The following RTN1 variants were observed in gnomAD, a reference collection of about 807,000 sequenced individuals.
RTN1 encodes reticulon 1.
RTN1 carries 25 observed loss-of-function variants against 65.5 expected under a neutral mutation model. The observed-to-expected ratio is 0.38, with a 90% CI of 0.28 to 0.53. The LOEUF is 0.53. RTN1 is among the 20% of genes least tolerant of loss of function. The pLI is 0.79. For synonymous variants in RTN1, 471 were observed against 447.6 expected (o/e 1.05, Z -0.66); for missense variants, 983 against 1,025.4 (o/e 0.96, Z 0.57).
intron 3 of RTN1, among the ~76,000 whole-genome samples, chr14:59,721,269 T>C (rs1052891152): frequency 6.6e-6 from 1 of 152,214 alleles, no homozygotes; most frequent in Non-Finnish European, 1.5e-5. Context: ...CTGTAGCTGC[T>C]ATACACAGAG....
At chr14:59,821,767 T>C (rs1886948499) in intron 1 of RTN1, among the ~76,000 whole-genome samples, 1 of 152,232 alleles carries the variant, frequency 6.6e-6, no homozygotes, top group Non-Finnish European at 1.5e-5. Flanking sequence ...TCTATCGAGA[T>C]GATTGTGTGG....
At chr14:59,677,313 A>G (rs1240357542) in intron 3 of RTN1, among the ~76,000 whole-genome samples, 2 of 152,336 alleles carry the variant, frequency 1.3e-5, no homozygotes, top group South Asian at 4.1e-4. Flanking sequence ...GGCTCTCTCC[A>G]TTTGATATTC....
At chr14:59,749,973 ATATAT>A (rs1885405995) in intron 1 of RTN1, among the ~76,000 whole-genome samples, 1 of 71,552 alleles carries the variant, frequency 1.4e-5, no homozygotes, top group South Asian at 3.3e-4. Flanking sequence ...TATTATATAC[ATATAT>A]TATATATTAT....
In RTN1 at chr14:59,746,232, G is replaced by C; in HGVS notation, c.491C>G (p.Ser164Cys). 6.2e-7 allele frequency: 1 copy of C among 1,612,884 alleles called. No individual in the cohort carries two copies. The highest frequency in any genetic ancestry group is 8.5e-7 in the Non-Finnish European group (1 of 1,179,500). ...AGGAGTCATCTCTATTCCAGAATCA[G>C]AACTAAATAAGCCACGAGACTCTAT... ...PGIESRGLFS[S>C]DSGIEMTPAE... is the part of the protein sequence containing the mutation. Residue 164 changes from serine to cysteine, a missense_variant, in exon 2 of 9, where the codon TCT becomes TGT. This residue lies in a region of RTN1 where 818 missense variants were observed against 801.8 expected (regional missense o/e 1.02). Transcript: ENST00000267484.
At chr14:59,848,045 A>C (rs1268941813) in intron 1 of RTN1, among the ~76,000 whole-genome samples, 3 of 152,188 alleles carry the variant, frequency 2.0e-5, no homozygotes, top group African/African-American at 7.2e-5. Context: ...TCATCTTAGC[A>C]ACCACTTTCA....
At chr14:59,629,628 G>C (rs1266447247) in intron 3 of RTN1, among the ~76,000 whole-genome samples, 1 of 152,198 alleles carries the variant, frequency 6.6e-6, no homozygotes, top group Non-Finnish European at 1.5e-5. Context: ...TAACTGCAAG[G>C]TGAATTTTAA....
At chr14:59,755,376 A>C (rs1257859813) in intron 1 of RTN1, among the ~76,000 whole-genome samples, 1 of 152,196 alleles carries the variant, frequency 6.6e-6, no homozygotes, top group Non-Finnish European at 1.5e-5. Context: ...AAGTGTGGGC[A>C]TAATAAAAAA....
At chr14:59,610,134 G>A (rs1359248650) in intron 3 of RTN1, 3 of 776,614 alleles carry the variant, frequency 3.9e-6, no homozygotes, top group Non-Finnish European at 7.2e-6. Context: ...GGTAGAAATG[G>A]CATGCCCTCT....
intron 3 of RTN1, among the ~76,000 whole-genome samples, chr14:59,700,209 C>T (rs1378657664): frequency 6.6e-6 from 1 of 151,926 alleles, no homozygotes; most frequent in African/African-American, 2.4e-5. Flanking sequence ...ACAACTACAA[C>T]ATGTTGTTGA....
rs1353807681 is a variant in RTN1, at chr14:59,836,050, C to T, written c.241+34340G>A. ...CCTCCCATCACTTCAATTCTGATTC[C>T]ATCATCACATCTCCTCTCACTCTGA... On this transcript the variant is annotated intron_variant, in intron 1 of 8. Transcript: ENST00000267484. This position sits in a 1 kb window ranked among gnomAD's most constrained non-coding sequence, Gnocchi z 4.9. 6.6e-6 allele frequency among the ~76,000 whole-genome samples: 1 copy of T among 152,138 alleles called. No homozygotes were observed. The highest frequency in any genetic ancestry group is 1.5e-5 in the Non-Finnish European group (1 of 68,014).
chr14:59,723,830 C>G (rs184992647), intron 3 of RTN1, among the ~76,000 whole-genome samples: 26 of 152,168 alleles, frequency 1.7e-4, no homozygotes, highest in Admixed American at 3.3e-4. Flanking sequence ...GATAAGTAAT[C>G]AGAATGCAGG....
chr14:59,776,186 G>C (rs1414636485), intron 1 of RTN1, among the ~76,000 whole-genome samples: 1 of 152,046 alleles, frequency 6.6e-6, no homozygotes, highest in Non-Finnish European at 1.5e-5. Flanking sequence ...TATGGGCCTT[G>C]AATGTGTCCC....
At chr14:59,859,713 A>G (rs922587184) in intron 1 of RTN1, among the ~76,000 whole-genome samples, 14 of 152,232 alleles carry the variant, frequency 9.2e-5, no homozygotes, top group African/African-American at 3.4e-4. Flanking sequence ...AAAGCCTGAT[A>G]GCAATATGGA....
chr14:59,669,955 C>T (rs942210335), intron 3 of RTN1, among the ~76,000 whole-genome samples: 1 of 152,174 alleles, frequency 6.6e-6, no homozygotes, highest in Non-Finnish European at 1.5e-5. Flanking sequence ...TTGCTCATTT[C>T]TCTCACCATG....
In RTN1 at chr14:59,727,291, C is replaced by A; in HGVS notation, c.1393G>T (p.Glu465Ter). The A allele has an allele frequency of 6.7e-7, 1 of 1,499,190 alleles. No individual in the cohort carries two copies. 92.9% of individuals were successfully genotyped at this position (1,499,190 alleles called of 1,614,324 possible). ...REEREAELDS[E>*]LIIESCDASS... Reference sequence around the variant, plus strand: ...GCGTCGCACGACTCGATGATGAGCTCGCTGTCCAGCTCGGCCTCGCGCTCC... The same window carrying A: ...GCGTCGCACGACTCGATGATGAGCTAGCTGTCCAGCTCGGCCTCGCGCTCC... The change falls in exon 3 of 9, where the codon GAG becomes TAG. Residue 465 changes from glutamate (E) to a stop codon, truncating the protein, a stop_gained. Transcript: ENST00000267484. LOFTEE classifies it high-confidence loss of function. This position sits in a 1 kb window ranked among gnomAD's most constrained non-coding sequence, Gnocchi z 4.2.
rs868028644 is a variant in RTN1, at chr14:59,749,246, A to C, written c.242-2765T>G. Among the ~76,000 whole-genome samples, 8 of 47,260 alleles carry C rather than the reference A, an allele frequency of 1.7e-4. 1 individual carries two copies. The highest frequency in any genetic ancestry group is 2.4e-4 in the African/African-American group (2 of 8,420). The allele number at this position is 47,260 out of a possible 152,430, so 31.0% of individuals were successfully genotyped here. A position where few individuals can be genotyped will look rare whatever the true frequency, so the allele number is the denominator to read the frequency against. On this transcript the variant is annotated intron_variant, in intron 1 of 8. Coordinates refer to ENST00000267484, the MANE Select transcript of RTN1 (RefSeq NM_021136.3). ...TATATATCTATATATATCTATATAT[A>C]TCTATATATCTATATATATCTATAT...
At chr14:59,700,094 C>A in intron 3 of RTN1, among the ~76,000 whole-genome samples, 1 of 151,940 alleles carries the variant, frequency 6.6e-6, no homozygotes, top group East Asian at 1.9e-4. Flanking sequence ...TGGCTTCATT[C>A]TGATAAAATT....
rs1314121767 is a variant in RTN1 at position 59,749,220 on chromosome 14, CTATATATCTA to C, written c.242-2749_242-2740del. 3.2e-4 allele frequency among the ~76,000 whole-genome samples: 18 copies of C among 55,876 alleles called. 1 individual carries two copies. Among genetic ancestry groups the C allele is most frequent in the East Asian group, 1.4e-3 (3 of 2,076 alleles). 36.7% of individuals were successfully genotyped at this position (55,876 alleles called of 152,430 possible). ...TATCTATATATATATCTATATATAT[CTATATATCTA>C]TATATATCTATATATATCTATATAT... On this transcript the variant is annotated intron_variant, in intron 1 of 8. Transcript: ENST00000267484.
intron 1 of RTN1, among the ~76,000 whole-genome samples, chr14:59,768,746 A>G (rs1184464396): frequency 6.6e-6 from 1 of 152,192 alleles, no homozygotes; most frequent in African/African-American, 2.4e-5. Context: ...TATACTGGCT[A>G]ATACTAAGGA....
Sources: allele counts gnomAD v4.1 joint callset (sites outside exome capture counted in the v4.1 genomes callset), GRCh38; gene constraint gnomAD v4.1.1; regional missense constraint gnomAD v4.1.1; non-coding constraint Gnocchi (gnomAD v3.1); transcripts MANE v1.5; gene names NCBI Gene and HGNC (gene_info 2026-07-23, HGNC 2026-07-21).